The following CRPPA variants were observed in gnomAD, a reference collection of about 807,000 sequenced individuals.
The protein encoded by CRPPA is CDP-L-ribitol pyrophosphorylase A.
In CRPPA, 43 loss-of-function variants were observed where a neutral mutation model predicts 52.0. The observed-to-expected ratio is 0.83, with a 90% CI of 0.65 to 1.07. CRPPA has a LOEUF of 1.07. Among genes scored for constraint, CRPPA ranks in the 50% least tolerant of loss-of-function variants. The pLI, the probability that CRPPA is intolerant of heterozygous loss-of-function variation, is 0.00. For missense variants in CRPPA, 629 were observed against 551.7 expected (o/e 1.14, Z -1.40); for synonymous variants, 250 against 203.5 (o/e 1.23, Z -1.94).
chr7:16,143,922 C>T (rs1415335999), intron 9 of CRPPA, among the ~76,000 whole-genome samples: 1 of 152,088 alleles, frequency 6.6e-6, no homozygotes, highest in African/African-American at 2.4e-5. Flanking sequence ...GAATCCAGAA[C>T]ATTTGAAGGG....
chr7:16,099,398 G>A (rs1176138964), intron 9 of CRPPA, among the ~76,000 whole-genome samples: 1 of 125,936 alleles, frequency 7.9e-6, no homozygotes, highest in Non-Finnish European at 1.7e-5. Flanking sequence ...GAGGGGAGAA[G>A]GAAGGGGAGG....
chr7:16,357,609 G>C (rs989809061), intron 3 of CRPPA, among the ~76,000 whole-genome samples: 1 of 152,178 alleles, frequency 6.6e-6, no homozygotes, highest in African/African-American at 2.4e-5. Flanking sequence ...AAAGATAGTA[G>C]CTGTCTGCCT....
chr7:16,219,944 G>A (rs1447401445), intron 8 of CRPPA, among the ~76,000 whole-genome samples: 1 of 147,976 alleles, frequency 6.8e-6, no homozygotes, highest in Non-Finnish European at 1.5e-5. Context: ...CTCATTTTAT[G>A]AGGCCAACAT....
intron 6 of CRPPA, among the ~76,000 whole-genome samples, chr7:16,264,767 C>G (rs371136629): frequency 6.6e-6 from 1 of 152,140 alleles, no homozygotes; most frequent in East Asian, 1.9e-4. Flanking sequence ...AACAATTATC[C>G]CTTTTTGCCT....
At chr7:16,260,059 A>G (rs1783754731) in intron 6 of CRPPA, among the ~76,000 whole-genome samples, 2 of 152,020 alleles carry the variant, frequency 1.3e-5, no homozygotes, top group Non-Finnish European at 2.9e-5. Context: ...GTCATCAACA[A>G]TATATTAACA....
At chr7:16,243,413 A>G (rs1292884010) in intron 8 of CRPPA, among the ~76,000 whole-genome samples, 3 of 152,204 alleles carry the variant, frequency 2.0e-5, no homozygotes, top group African/African-American at 7.2e-5. Context: ...TGAGAACTCA[A>G]TATAATTACA....
At chr7:16,286,878 G>T (rs1784462655) in intron 5 of CRPPA, among the ~76,000 whole-genome samples, 1 of 151,866 alleles carries the variant, frequency 6.6e-6, no homozygotes, top group Admixed American at 6.6e-5. Flanking sequence ...TAGGGTTTCA[G>T]AAAAAAACAA....
intron 8 of CRPPA, among the ~76,000 whole-genome samples, chr7:16,246,411 T>A (rs1426931953): frequency 1.3e-5 from 2 of 152,186 alleles, no homozygotes; most frequent in Non-Finnish European, 1.5e-5. Flanking sequence ...AAGTCTTCCA[T>A]GAGGTTTGGA....
At chr7:16,294,199 T>C (rs1784624118) in intron 5 of CRPPA, among the ~76,000 whole-genome samples, 1 of 152,010 alleles carries the variant, frequency 6.6e-6, no homozygotes, top group Admixed American at 6.6e-5. Context: ...ATGTACTATT[T>C]GCTTTGAGCA....
chr7:16,209,090 G>A, intron 9 of CRPPA: 1 of 373,854 alleles, frequency 2.7e-6, no homozygotes, highest in Non-Finnish European at 5.3e-6. Context: ...GGTGGCTCTG[G>A]TGGGCAGACT....
chr7:16,380,655 C>T (rs1583562581), intron 2 of CRPPA, among the ~76,000 whole-genome samples: 3 of 152,278 alleles, frequency 2.0e-5, no homozygotes, highest in Admixed American at 6.5e-5. Context: ...TTGATTATTG[C>T]CACAATTTCA....
chr7:16,242,848 G>A (rs4721485), intron 8 of CRPPA, among the ~76,000 whole-genome samples: 52,962 of 151,886 alleles, frequency 0.35, 10,049 homozygotes, highest in Admixed American at 0.44. Context: ...ATTTCTAAAA[G>A]CTCACAGTTA....
At chr7:16,397,500 C>T (rs1362320502) in intron 2 of CRPPA, among the ~76,000 whole-genome samples, 1 of 151,856 alleles carries the variant, frequency 6.6e-6, no homozygotes, top group Non-Finnish European at 1.5e-5. Context: ...ACATGACTGA[C>T]ACATAACATG....
At position 16,420,508 on chromosome 7, in the gene CRPPA, T is replaced by G. The variant is rs112775327; in HGVS notation, c.257+558A>C. Among the ~76,000 whole-genome samples, 1,040 of 152,280 alleles carry G rather than the reference T, an allele frequency of 6.8e-3. 12 individuals are homozygous for G. The highest frequency in any genetic ancestry group is 0.024 in the African/African-American group (1,007 of 41,566). ...TGCCCTTTCTAAGATAAAGGGGGTA[T>G]GACCTCAAATTCAGGCTTAAAGCCC... is the stretch of plus-strand genomic sequence containing the variant. On this transcript the variant is annotated intron_variant, in intron 1 of 9. Coordinates refer to ENST00000407010, the MANE Select transcript of CRPPA (RefSeq NM_001101426.4).
intron 2 of CRPPA, among the ~76,000 whole-genome samples, chr7:16,380,953 A>C (rs11720320): frequency 2.0e-5 from 3 of 151,648 alleles, no homozygotes; most frequent in Non-Finnish European, 4.4e-5. Flanking sequence ...TCCTGGATTC[A>C]TTAATTTTTT....
chr7:16,286,046 T>TAA (rs1784430614), intron 5 of CRPPA, among the ~76,000 whole-genome samples: 1 of 4,748 alleles, frequency 2.1e-4, no homozygotes, highest in Non-Finnish European at 3.7e-4. Flanking sequence ...AAAATATAAA[T>TAA]ATATATATAT....
intron 2 of CRPPA, among the ~76,000 whole-genome samples, chr7:16,399,816 C>T (rs891383369): frequency 9.2e-5 from 14 of 151,968 alleles, no homozygotes; most frequent in East Asian, 5.8e-4. Context: ...GACACTTGAT[C>T]GTCACGTGAT....
chr7:16,372,871 C>G (rs765685247), intron 3 of CRPPA, among the ~76,000 whole-genome samples: 79 of 152,198 alleles, frequency 5.2e-4, no homozygotes, highest in Non-Finnish European at 4.6e-4. Flanking sequence ...AAATGGAAAC[C>G]AAAAGTGGGC....
In CRPPA at chr7:16,101,461, T is replaced by C. The variant is rs770793623; in HGVS notation, c.1252-9662A>G. Among the ~76,000 whole-genome samples the C allele has an allele frequency of 9.5e-4, 144 of 152,330 alleles. 2 individuals are homozygous for C. Among genetic ancestry groups the C allele is most frequent in the South Asian group, 6.2e-4 (3 of 4,828 alleles). On this transcript the variant is annotated intron_variant, in intron 9 of 9. Coordinates refer to ENST00000407010, the MANE Select transcript of CRPPA (RefSeq NM_001101426.4). ...TAGGTGTGTTTATAGTATTCTCTGA[T>C]GGTACTTTATATTTCTTTGGGATCA...
Sources: gnomAD v4.1 joint callset for allele counts (sites outside exome capture counted in the v4.1 genomes callset) on GRCh38, gnomAD v4.1.1 for gene constraint, MANE v1.5 for transcripts, NCBI Gene and HGNC (gene_info 2026-07-23, HGNC 2026-07-21) for gene names.